Variants in ANTXRL observed in about 807,000 individuals in gnomAD.
ANTXRL encodes ANTXR like, also known as anthrax toxin receptor-like.
ANTXRL carries 63 observed loss-of-function variants against 75.4 expected under a neutral mutation model. The observed-to-expected ratio is 0.84, with a 90% CI of 0.68 to 1.03. The LOEUF is 1.03. Ranked by LOEUF, ANTXRL falls within the 50% of genes least tolerant of loss-of-function variation. ANTXRL has a pLI of 0.00. For synonymous variants in ANTXRL, 335 were observed against 291.3 expected (o/e 1.15, Z -1.53); for missense variants, 797 against 789.4 (o/e 1.01, Z -0.12).
chr10:46,302,966 C>T (rs1240968908), intron 10 of ANTXRL, 146 bp downstream of exon 10: 1 of 661,206 alleles, frequency 1.5e-6, no homozygotes, highest in Non-Finnish European at 2.6e-6. Flanking sequence ...TGGAAGGAGG[C>T]ACTGGGAAGG....
At chr10:46,308,442 C>T (rs1838230689) in intron 12 of ANTXRL, 1 of 436,222 alleles carries the variant, frequency 2.3e-6, no homozygotes, top group Non-Finnish European at 4.6e-6. Context: ...CCACTCCCCT[C>T]CCCTCCCCTC....
chr10:46,292,227 G>A lies in ANTXRL; in HGVS notation c.320+98G>A, dbSNP rs1336179247. The A allele has an allele frequency of 1.2e-5, 14 of 1,133,286 alleles. No individual in the cohort carries two copies. The East Asian group carries it at 3.6e-4, about 29-fold the overall frequency. The allele number at this position is 1,133,286 out of a possible 1,614,324, so 70.2% of individuals were successfully genotyped here. ...ATCCCATCAGATGGGGTGGGCGTGG[G>A]AGTCCTTCAGTGGGGGACACAGAGC... On this transcript the variant is annotated intron_variant, in intron 2 of 16. Transcript: ENST00000620264.
chr10:46,306,871 G>C lies in ANTXRL; in HGVS notation c.964G>C (p.Glu322Gln). Residue 322 changes from glutamate to glutamine, a missense_variant and splice_region_variant, in exon 11 of 17, where the codon GAG becomes CAG. Glu to Gln is a conservative substitution (Grantham distance 29). Transcript: ENST00000620264. ...CPGPKLEKPG[E>Q]EYSIEVSLNK... ...TGGGCCAAAACTAGAAAAACCTGGA[G>C]AGTAAGTGCCCCTGGCAGGAGGCTA... 2.0e-6 allele frequency: 3 copies of C among 1,528,930 alleles called. No homozygotes were observed. The highest frequency in any genetic ancestry group is 2.6e-6 in the Non-Finnish European group (3 of 1,143,608). 94.7% of individuals were successfully genotyped at this position (1,528,930 alleles called of 1,614,324 possible).
chr10:46,297,307 A>G lies in ANTXRL; in HGVS notation c.564A>G (p.Ala188=). ...CTGATGGAGAACTGGTGGCACATGCATTTCAGGACACTCTCAGAGAAGTGA... is the reference window on the plus strand; with the variant it reads ...CTGATGGAGAACTGGTGGCACATGCGTTTCAGGACACTCTCAGAGAAGTGA... ...AMTDGELVAH[A]FQDTLREAQK... Residue 188 remains alanine, a synonymous_variant, in exon 6 of 17, where the codon GCA becomes GCG. Transcript: ENST00000620264. The G allele has an allele frequency of 6.5e-7, 1 of 1,536,508 alleles. No homozygotes were observed. The highest frequency in any genetic ancestry group is 8.7e-7 in the Non-Finnish European group (1 of 1,146,858).
At position 46,311,643 on chromosome 10, in the gene ANTXRL, T is replaced by C. The variant is rs1474082952; in HGVS notation, c.1307T>C (p.Val436Ala). Residue 436 changes from valine (V) to alanine (A), a missense_variant, in exon 15 of 17, where the codon GTG becomes GCG. Val to Ala is a moderately conservative substitution (Grantham distance 64). Coordinates refer to ENST00000620264, the MANE Select transcript of ANTXRL (RefSeq NM_001278688.3). ...VIICCCGCQGVGGMRRIEGNL... is the reference protein window; with the variant it reads ...VIICCCGCQGAGGMRRIEGNL... Reference sequence around the variant, plus strand: ...ATTTGTTGCTGTGGATGCCAAGGAGTGGGCGGGATGAGAAGGATAGAGGTG... The same window carrying C: ...ATTTGTTGCTGTGGATGCCAAGGAGCGGGCGGGATGAGAAGGATAGAGGTG... 8.4e-7 allele frequency: 1 copy of C among 1,184,568 alleles called. No individual in the cohort carries two copies. The allele number at this position is 1,184,568 out of a possible 1,614,324, so 73.4% of individuals were successfully genotyped here.
chr10:46,321,173 C>G (rs1838961043), intron 16 of ANTXRL, among the ~76,000 whole-genome samples: 1 of 152,162 alleles, frequency 6.6e-6, no homozygotes, highest in African/African-American at 2.4e-5. Flanking sequence ...TTTTAGCCCA[C>G]AAACCCAATT....
chr10:46,298,767 A>C (rs1163002640), intron 9 of ANTXRL, among the ~76,000 whole-genome samples: 1 of 148,294 alleles, frequency 6.7e-6, no homozygotes, highest in Non-Finnish European at 1.5e-5. Context: ...TGTGTTTGCT[A>C]TTTATGTGTG....
At chr10:46,306,232 G>A (rs1481454096) in intron 10 of ANTXRL, among the ~76,000 whole-genome samples, 4 of 152,192 alleles carry the variant, frequency 2.6e-5, no homozygotes, top group Admixed American at 6.5e-5. Flanking sequence ...TATCATTCAT[G>A]GAAGTTTGCA....
chr10:46,325,242 G>C (rs569583635), intron 16 of ANTXRL, among the ~76,000 whole-genome samples: 10 of 152,152 alleles, frequency 6.6e-5, no homozygotes, highest in African/African-American at 9.7e-5. Context: ...CCAGCCTAAA[G>C]GGAGGAGCCT....
At chr10:46,315,804 T>C (rs1565047059) in intron 16 of ANTXRL, among the ~76,000 whole-genome samples, 1 of 152,220 alleles carries the variant, frequency 6.6e-6, no homozygotes. Context: ...CACATAATAA[T>C]GCAGGAAATT....
chr10:46,318,222 A>G (rs978912038), intron 16 of ANTXRL, among the ~76,000 whole-genome samples: 12 of 152,068 alleles, frequency 7.9e-5, no homozygotes, highest in Non-Finnish European at 1.8e-4. Context: ...TTTGCAATAA[A>G]TAAGTAGAAA....
At chr10:46,308,259 G>A (rs1311126955) in intron 12 of ANTXRL, among the ~76,000 whole-genome samples, 4 of 152,132 alleles carry the variant, frequency 2.6e-5, no homozygotes, top group African/African-American at 4.8e-5. Context: ...TTCCCCATCA[G>A]GAATCTACCC....
At chr10:46,318,461 G>A (rs1228962498) in intron 16 of ANTXRL, among the ~76,000 whole-genome samples, 1 of 152,016 alleles carries the variant, frequency 6.6e-6, no homozygotes, top group African/African-American at 2.4e-5. Flanking sequence ...AGTGAAAATT[G>A]TAATGAAACA....
intron 10 of ANTXRL, among the ~76,000 whole-genome samples, chr10:46,305,192 C>T (rs1490017757): frequency 1.3e-4 from 20 of 152,294 alleles, no homozygotes; most frequent in African/African-American, 2.4e-4. Flanking sequence ...CCTTCCCTGG[C>T]GGCTGATGCC....
At chr10:46,306,726 C>A in intron 10 of ANTXRL, 77 bp from the exon 11 acceptor site, 1 of 1,290,154 alleles carries the variant, frequency 7.8e-7, no homozygotes, top group Non-Finnish European at 1.0e-6. Context: ...GTCAGCCCTG[C>A]ATGCTGAGGA....
intron 16 of ANTXRL, among the ~76,000 whole-genome samples, chr10:46,326,547 A>T (rs139327389): frequency 6.6e-6 from 1 of 152,196 alleles, no homozygotes; most frequent in East Asian, 1.9e-4. Flanking sequence ...AGAGGAAAAA[A>T]GGTTGGGGGC....
At chr10:46,307,331 C>T in intron 11 of ANTXRL, 71 bp from the exon 12 acceptor site, 1 of 1,092,116 alleles carries the variant, frequency 9.2e-7, no homozygotes, top group Non-Finnish European at 1.3e-6. Flanking sequence ...CTCTCATTAC[C>T]CATGCTGTCC....
At chr10:46,294,959 C>G (rs1392562597) in intron 3 of ANTXRL, among the ~76,000 whole-genome samples, 1 of 152,160 alleles carries the variant, frequency 6.6e-6, no homozygotes, top group African/African-American at 2.4e-5. Flanking sequence ...TTGAATTAGC[C>G]TGACCCTAAG....
chr10:46,296,050 C>T lies in ANTXRL; in HGVS notation c.424C>T (p.Gln142Ter). Reference protein sequence around the residue: ...NRIKNGLDQLQKIVPDGHTFM... With the variant: ...NRIKNGLDQL Reference sequence around the variant, plus strand: ...AATAAAAAACGGTCTTGACCAACTTCAGAAAATTGTGCCTGACGGTCACAC... The same window carrying T: ...AATAAAAAACGGTCTTGACCAACTTTAGAAAATTGTGCCTGACGGTCACAC... The change falls in exon 4 of 17, where the codon CAG becomes TAG. Residue 142 changes from glutamine (Q) to a stop codon, truncating the protein, a stop_gained. Transcript: ENST00000620264. LOFTEE classifies it high-confidence loss of function. 2 of 1,535,920 alleles carry T rather than the reference C, an allele frequency of 1.3e-6. No homozygotes were observed. Among genetic ancestry groups the T allele is most frequent in the Non-Finnish European group, 1.7e-6 (2 of 1,146,762 alleles).
Sources: gnomAD v4.1 joint callset for allele counts (sites outside exome capture counted in the v4.1 genomes callset) on GRCh38, gnomAD v4.1.1 for gene constraint, MANE v1.5 for transcripts, NCBI Gene and HGNC (gene_info 2026-07-23, HGNC 2026-07-21) for gene names.